NXPH1: variants seen among roughly 807,000 people sequenced by gnomAD.
NXPH1 encodes the protein neurexophilin 1.
A neutral mutation model predicts 23.7 loss-of-function variants in NXPH1; 5 were observed. That is an observed-to-expected ratio of 0.21 (90% CI 0.11 to 0.44). The LOEUF (loss-of-function observed/expected upper bound fraction) is 0.44, where lower values mean the gene tolerates loss of function less well. Ranked by LOEUF, NXPH1 falls within the 20% of genes least tolerant of loss-of-function variation. The pLI is 0.99. For missense variants in NXPH1, 324 were observed against 321.6 expected (o/e 1.01, Z -0.06); for synonymous variants, 144 against 122.2 (o/e 1.18, Z -1.18).
intron 2 of NXPH1, among the ~76,000 whole-genome samples, chr7:8,530,147 G>T (rs1357386728): frequency 1.3e-5 from 2 of 152,136 alleles, no homozygotes; most frequent in East Asian, 3.9e-4. Flanking sequence ...ATCATGAAGA[G>T]CCTGTTGGAA....
At chr7:8,579,474 G>A (rs542977965) in intron 2 of NXPH1, among the ~76,000 whole-genome samples, 3 of 151,594 alleles carry the variant, frequency 2.0e-5, no homozygotes, top group African/African-American at 4.8e-5. Flanking sequence ...CCAGGTTCAA[G>A]CAATTCTCCT....
chr7:8,439,897 T>G (rs1266069148), intron 2 of NXPH1, among the ~76,000 whole-genome samples: 1 of 152,202 alleles, frequency 6.6e-6, no homozygotes, highest in Non-Finnish European at 1.5e-5. Flanking sequence ...TGCTTCTCAT[T>G]CTTTAAAAAT....
intron 2 of NXPH1, among the ~76,000 whole-genome samples, chr7:8,499,598 C>T (rs1190018574): frequency 6.6e-6 from 1 of 152,062 alleles, no homozygotes; most frequent in Non-Finnish European, 1.5e-5. Flanking sequence ...TATGCAGCAT[C>T]TTCCCAGGAC....
At chr7:8,715,341 CT>C (rs1779860709) in intron 2 of NXPH1, among the ~76,000 whole-genome samples, 1 of 152,170 alleles carries the variant, frequency 6.6e-6, no homozygotes, top group African/African-American at 2.4e-5. Flanking sequence ...TTGAGATTGT[CT>C]TTCTTATTCT....
chr7:8,439,658 A>G (rs1015141035), intron 2 of NXPH1, among the ~76,000 whole-genome samples: 5 of 152,230 alleles, frequency 3.3e-5, no homozygotes, highest in South Asian at 2.1e-4. Flanking sequence ...TGAGCCATCT[A>G]TTCTCTCAAA....
At chr7:8,448,743 A>T (rs1445749432) in intron 2 of NXPH1, among the ~76,000 whole-genome samples, 1 of 133,564 alleles carries the variant, frequency 7.5e-6, no homozygotes, top group Non-Finnish European at 1.5e-5. Context: ...TGAACCTGGG[A>T]GGGGGAGGTT....
At chr7:8,726,633 A>G (rs1424768549) in intron 2 of NXPH1, among the ~76,000 whole-genome samples, 3 of 149,310 alleles carry the variant, frequency 2.0e-5, no homozygotes, top group Admixed American at 1.3e-4. Context: ...ATGATTTCCA[A>G]TTTCATCCAT....
intron 2 of NXPH1, among the ~76,000 whole-genome samples, chr7:8,541,565 G>C (rs1014112649): frequency 1.3e-5 from 2 of 151,552 alleles, no homozygotes; most frequent in African/African-American, 4.8e-5. Flanking sequence ...TAAATATAAA[G>C]AGGGAAGGGC....
intron 2 of NXPH1, among the ~76,000 whole-genome samples, chr7:8,540,325 G>A (rs1818094550): frequency 6.6e-6 from 1 of 151,778 alleles, no homozygotes; most frequent in South Asian, 2.1e-4. Context: ...AGTAATTGGG[G>A]CCAAATTTAC....
intron 2 of NXPH1, among the ~76,000 whole-genome samples, chr7:8,474,277 C>A (rs953751033): frequency 2.4e-4 from 37 of 151,930 alleles, no homozygotes; most frequent in African/African-American, 8.9e-4. Context: ...TTGGTGCAAA[C>A]AATTTTGATC....
intron 2 of NXPH1, among the ~76,000 whole-genome samples, chr7:8,569,966 G>A (rs895487614): frequency 8.6e-5 from 13 of 151,934 alleles, no homozygotes; most frequent in African/African-American, 2.9e-4. Context: ...ATTGTAATGA[G>A]GTTTAAATAT....
chr7:8,605,320 C>A (rs1819461396), intron 2 of NXPH1, among the ~76,000 whole-genome samples: 1 of 152,090 alleles, frequency 6.6e-6, no homozygotes, highest in Non-Finnish European at 1.5e-5. Context: ...CAGTTATTTT[C>A]ATTACTGTCA....
At chr7:8,471,873 A>G (rs1298574894) in intron 2 of NXPH1, among the ~76,000 whole-genome samples, 1 of 152,140 alleles carries the variant, frequency 6.6e-6, no homozygotes, top group Non-Finnish European at 1.5e-5. Context: ...CAGTAGGTAG[A>G]GTATAATCTC....
At chr7:8,479,389 T>C (rs905473097) in intron 2 of NXPH1, among the ~76,000 whole-genome samples, 1 of 152,268 alleles carries the variant, frequency 6.6e-6, no homozygotes, top group East Asian at 1.9e-4. Flanking sequence ...CTTTGAGCAT[T>C]AGAATTTTTG....
intron 2 of NXPH1, among the ~76,000 whole-genome samples, chr7:8,618,721 T>C (rs1030489111): frequency 2.0e-5 from 3 of 152,226 alleles, no homozygotes; most frequent in African/African-American, 4.8e-5. Flanking sequence ...TTCTTTCATT[T>C]TGAGAGCCTT....
intron 2 of NXPH1, among the ~76,000 whole-genome samples, chr7:8,637,009 T>C (rs1331093164): frequency 6.6e-6 from 1 of 152,004 alleles, no homozygotes; most frequent in African/African-American, 2.4e-5. Flanking sequence ...TAGCTTCATC[T>C]CCTTGAGAGC....
intron 2 of NXPH1, among the ~76,000 whole-genome samples, chr7:8,661,069 G>T (rs1270337834): frequency 6.6e-6 from 1 of 151,798 alleles, no homozygotes; most frequent in Non-Finnish European, 1.5e-5. Context: ...AAATATAGCA[G>T]AGTGATTGCT....
At chr7:8,616,649 A>G (rs1388601752) in intron 2 of NXPH1, among the ~76,000 whole-genome samples, 2 of 152,030 alleles carry the variant, frequency 1.3e-5, no homozygotes, top group Non-Finnish European at 2.9e-5. Context: ...AGGCAGGTAG[A>G]AGCATGGCAG....
intron 2 of NXPH1, among the ~76,000 whole-genome samples, chr7:8,436,122 C>T (rs970473503): frequency 2.6e-5 from 4 of 152,092 alleles, no homozygotes; most frequent in African/African-American, 9.7e-5. Context: ...AGAGTTTAAA[C>T]GAAGGGAAGT....
Sources: gnomAD v4.1 joint callset for allele counts (sites outside exome capture counted in the v4.1 genomes callset) on GRCh38, gnomAD v4.1.1 for gene constraint, MANE v1.5 for transcripts, NCBI Gene and HGNC (gene_info 2026-07-23, HGNC 2026-07-21) for gene names.